The following SDCCAG8 variants were observed in gnomAD, a reference collection of about 807,000 sequenced individuals.
The protein encoded by SDCCAG8 is serologically defined colon cancer antigen 8.
A neutral mutation model predicts 101.8 loss-of-function variants in SDCCAG8; 74 were observed. The observed-to-expected ratio is 0.73, with a 90% confidence interval of 0.60 to 0.88. The LOEUF (loss-of-function observed/expected upper bound fraction) is 0.88. Ranked by LOEUF, SDCCAG8 falls within the 40% of genes least tolerant of loss-of-function variation. SDCCAG8 has a pLI of 0.00. For missense variants in SDCCAG8, 787 were observed against 822.6 expected, an observed-to-expected ratio of 0.96 and a Z score of 0.53; for synonymous variants, 281 against 292.9, an observed-to-expected ratio of 0.96 and a Z score of 0.41.
rs1668754666 is a variant in SDCCAG8 at position 243,498,887 on chromosome 1, T to G, written c.2113-869T>G. 1.3e-5 allele frequency among the ~76,000 whole-genome samples: 2 copies of G among 152,190 alleles called. 1 individual carries two copies. Among genetic ancestry groups the G allele is most frequent in the South Asian group, 4.1e-4 (2 of 4,826 alleles). ...CCCTGGCCCTGCAGTGCGTCCCAAT[T>G]TATCTGACGTAGAAACCGGGATTTG... On this transcript the variant is annotated intron_variant, in intron 17 of 17. Transcript: ENST00000366541.
At chr1:243,299,135 G>T (rs1232734314) in intron 6 of SDCCAG8, among the ~76,000 whole-genome samples, 4 of 152,138 alleles carry the variant, frequency 2.6e-5, no homozygotes, top group Admixed American at 2.6e-4. Context: ...TCTTTCATTA[G>T]AATTATTCCT....
At chr1:243,453,925 G>C (rs1001210703) in intron 16 of SDCCAG8, among the ~76,000 whole-genome samples, 2 of 152,116 alleles carry the variant, frequency 1.3e-5, no homozygotes, top group Admixed American at 6.5e-5. Context: ...CCTACTCTGG[G>C]TATATAACAA....
At chr1:243,310,338 C>T (rs1002618906) in intron 8 of SDCCAG8, among the ~76,000 whole-genome samples, 1 of 152,008 alleles carries the variant, frequency 6.6e-6, no homozygotes, top group African/African-American at 2.4e-5. Flanking sequence ...AACGACTGTG[C>T]TAGGAGATTT....
chr1:243,428,458 T>G (rs1200274249), intron 16 of SDCCAG8, among the ~76,000 whole-genome samples: 1 of 152,194 alleles, frequency 6.6e-6, no homozygotes, highest in African/African-American at 2.4e-5. Flanking sequence ...ACAACACAGA[T>G]TTGAACTGTT....
At chr1:243,408,228 C>T (rs1304511360) in intron 13 of SDCCAG8, among the ~76,000 whole-genome samples, 1 of 152,162 alleles carries the variant, frequency 6.6e-6, no homozygotes, top group African/African-American at 2.4e-5. Context: ...TCATTGACCA[C>T]ACAACTGTGT....
intron 1 of SDCCAG8, among the ~76,000 whole-genome samples, chr1:243,264,225 A>G (rs2067409974): frequency 6.6e-6 from 1 of 152,230 alleles, no homozygotes; most frequent in Admixed American, 6.5e-5. Flanking sequence ...AGACTGAGAC[A>G]TACTTGCATT....
intron 4 of SDCCAG8, among the ~76,000 whole-genome samples, chr1:243,276,062 C>T (rs1378975236): frequency 6.6e-6 from 1 of 151,952 alleles, no homozygotes; most frequent in African/African-American, 2.4e-5. Flanking sequence ...CGGGGTTTCA[C>T]CATGTTGGCC....
intron 16 of SDCCAG8, among the ~76,000 whole-genome samples, chr1:243,440,536 A>C (rs1291726204): frequency 1.3e-5 from 2 of 152,140 alleles, no homozygotes; most frequent in African/African-American, 4.8e-5. Context: ...GAATTCCAGG[A>C]ATTCTGGGAA....
intron 8 of SDCCAG8, 89 bp downstream of exon 8, chr1:243,308,266 A>C (rs527931778): frequency 7.6e-7 from 1 of 1,312,236 alleles, no homozygotes; most frequent in African/African-American, 1.4e-5. Flanking sequence ...CCCTATGCTA[A>C]GTCACATGTG....
chr1:243,409,688 T>C (rs1416010947), intron 13 of SDCCAG8, among the ~76,000 whole-genome samples: 1 of 152,176 alleles, frequency 6.6e-6, no homozygotes, highest in Non-Finnish European at 1.5e-5. Context: ...GGGTTCCCCC[T>C]GGCCAAATCC....
intron 14 of SDCCAG8, among the ~76,000 whole-genome samples, chr1:243,417,595 G>A (rs1201418645): frequency 6.6e-6 from 1 of 152,068 alleles, no homozygotes; most frequent in Non-Finnish European, 1.5e-5. Flanking sequence ...GAGTTATCTG[G>A]TTGTGATAAT....
intron 13 of SDCCAG8, among the ~76,000 whole-genome samples, chr1:243,388,899 C>T (rs763161868): frequency 4.7e-5 from 7 of 147,640 alleles, no homozygotes; most frequent in Non-Finnish European, 1.0e-4. Context: ...TGGGAGGCTA[C>T]GTGGTGGTGC....
intron 6 of SDCCAG8, among the ~76,000 whole-genome samples, chr1:243,298,164 T>G (rs1163677793): frequency 6.6e-6 from 1 of 150,388 alleles, no homozygotes; most frequent in East Asian, 2.0e-4. Context: ...TTCCTCAGTC[T>G]CAACCTCCCA....
chr1:243,328,012 C>T (rs1033342510), intron 9 of SDCCAG8, among the ~76,000 whole-genome samples: 4 of 151,992 alleles, frequency 2.6e-5, no homozygotes, highest in Non-Finnish European at 5.9e-5. Context: ...ACGCCATTCT[C>T]CTGCCTCAGC....
intron 16 of SDCCAG8, among the ~76,000 whole-genome samples, chr1:243,436,944 A>G (rs1289211462): frequency 2.0e-5 from 3 of 152,154 alleles, no homozygotes; most frequent in Non-Finnish European, 4.4e-5. Flanking sequence ...ATCAGAGGGG[A>G]AAAAAGGTAC....
In SDCCAG8 at chr1:243,293,137, T is replaced by C; in HGVS notation, c.593T>C (p.Val198Ala). The part of the protein sequence containing the change: ...SWITTGEDSG[V>A]GETSKRPFSH... ...ATTACAACAGGTGAAGATTCTGGGGTGGGCGAAACCTCCAAAAGACCATTT... is the reference window on the plus strand; with the variant it reads ...ATTACAACAGGTGAAGATTCTGGGGCGGGCGAAACCTCCAAAAGACCATTT... Residue 198 changes from valine to alanine, a missense_variant, in exon 6 of 18, where the codon GTG (valine) becomes GCG (alanine). Val to Ala is a moderately conservative substitution (Grantham distance 64). Transcript: ENST00000366541. 3 of 1,614,110 alleles carry C rather than the reference T, an allele frequency of 1.9e-6. No homozygotes were observed. The highest frequency in any genetic ancestry group is 1.1e-5 in the South Asian group (1 of 91,078).
intron 6 of SDCCAG8, among the ~76,000 whole-genome samples, chr1:243,300,099 G>A (rs571160086): frequency 6.6e-6 from 1 of 151,718 alleles, no homozygotes; most frequent in African/African-American, 2.4e-5. Flanking sequence ...TCCTGACCTC[G>A]TGATCCGCCC....
At chr1:243,330,323 A>G (rs968483014) in intron 9 of SDCCAG8, among the ~76,000 whole-genome samples, 1 of 152,202 alleles carries the variant, frequency 6.6e-6, no homozygotes, top group Non-Finnish European at 1.5e-5. Context: ...ATTAATTAAT[A>G]TGGCTTTAAT....
chr1:243,308,647 C>A (rs10926987), intron 8 of SDCCAG8, among the ~76,000 whole-genome samples: 42,172 of 152,000 alleles, frequency 0.28, 5,962 homozygotes, highest in South Asian at 0.47. Flanking sequence ...TTATAAGGAC[C>A]CACTGTATCC....
Sources: allele counts gnomAD v4.1 joint callset (sites outside exome capture counted in the v4.1 genomes callset), GRCh38; gene constraint gnomAD v4.1.1; transcripts MANE v1.5; gene names NCBI Gene and HGNC (gene_info 2026-07-23, HGNC 2026-07-21).